Variants in FUT9 observed in about 807,000 individuals in gnomAD.
The protein encoded by FUT9 is fucosyltransferase 9.
In FUT9, 15 loss-of-function variants were observed where a neutral mutation model predicts 29.7. The ratio of observed to expected loss-of-function variants is 0.51; its 90% confidence interval spans 0.34 to 0.78. The LOEUF is 0.78. FUT9 is among the 30% of genes least tolerant of loss of function. FUT9 has a pLI of 0.01. For missense variants in FUT9, 319 were observed against 425.4 expected (o/e 0.75, Z 2.20); for synonymous variants, 169 against 153.7 (o/e 1.10, Z -0.74).
chr6:96,021,638 A>G (rs1439525305), intron 1 of FUT9, among the ~76,000 whole-genome samples: 1 of 152,188 alleles, frequency 6.6e-6, no homozygotes, highest in East Asian at 1.9e-4. Flanking sequence ...ATGAATGTTT[A>G]TTGAACAGTT....
intron 1 of FUT9, among the ~76,000 whole-genome samples, chr6:96,062,295 A>G (rs1770889238): frequency 6.6e-6 from 1 of 152,130 alleles, no homozygotes; most frequent in Admixed American, 6.5e-5. Flanking sequence ...TATAGGAAGG[A>G]AAAAGATATA....
Position 96,215,413 on chromosome 6 carries a change from A to T in FUT9, c.*11178A>T, listed in dbSNP as rs990682864. On this transcript the variant is annotated 3_prime_UTR_variant, in exon 3 of 3. Transcript: ENST00000302103. ...AATATGTACTAAGATTCCAAGGCAG[A>T]AATAAATGTATAAAGGATTTGAGCC... 1 of 166,870 alleles carries T rather than the reference A, an allele frequency of 6.0e-6. No individual in the cohort carries two copies. The highest frequency in any genetic ancestry group is 1.5e-5 in the Non-Finnish European group (1 of 68,096). The allele number at this position is 166,870 out of a possible 1,614,324, so 10.3% of individuals were successfully genotyped here.
chr6:96,065,404 A>C (rs544374200), intron 1 of FUT9, among the ~76,000 whole-genome samples: 1 of 152,134 alleles, frequency 6.6e-6, no homozygotes, highest in African/African-American at 2.4e-5. Flanking sequence ...CAGGAGCAAG[A>C]ACACTTGGAA....
intron 2 of FUT9, among the ~76,000 whole-genome samples, chr6:96,140,731 G>T (rs370791480): frequency 6.6e-6 from 1 of 152,028 alleles, no homozygotes; most frequent in African/African-American, 2.4e-5. Context: ...GCTGTCACAA[G>T]AACAACACAG....
intron 1 of FUT9, among the ~76,000 whole-genome samples, chr6:96,064,476 C>A (rs1770929059): frequency 6.6e-6 from 1 of 152,066 alleles, no homozygotes; most frequent in African/African-American, 2.4e-5. Context: ...AATGAGGGGG[C>A]TGATGGCGTC....
At chr6:96,177,973 C>G (rs1446242910) in intron 2 of FUT9, among the ~76,000 whole-genome samples, 2 of 152,074 alleles carry the variant, frequency 1.3e-5, no homozygotes, top group Non-Finnish European at 2.9e-5. Flanking sequence ...GATAGGCAGC[C>G]TTTGTTTGCT....
In FUT9 at chr6:96,212,415, G is replaced by A. The variant is rs1773955713; in HGVS notation, c.*8180G>A. 2.4e-6 allele frequency: 1 copy of A among 411,870 alleles called. No individual in the cohort carries two copies. Among genetic ancestry groups the A allele is most frequent in the Non-Finnish European group, 4.4e-6 (1 of 225,092 alleles). 25.5% of individuals were successfully genotyped at this position (411,870 alleles called of 1,614,324 possible). Reference sequence around the variant, plus strand: ...ATTATCTGATTGTCTATGTAAACCTGGAAGTAGTCTACTTTTTAGATAAAA... The same window carrying A: ...ATTATCTGATTGTCTATGTAAACCTAGAAGTAGTCTACTTTTTAGATAAAA... On this transcript the variant is annotated 3_prime_UTR_variant, in exon 3 of 3. Transcript: ENST00000302103.
chr6:96,056,939 A>G (rs1446465773), intron 1 of FUT9, among the ~76,000 whole-genome samples: 3 of 152,152 alleles, frequency 2.0e-5, no homozygotes, highest in East Asian at 3.9e-4. Context: ...GTACCCACAC[A>G]ACAATTTTAG....
intron 1 of FUT9, chr6:96,037,315 A>T (rs1244949376): frequency 2.6e-5 from 4 of 152,052 alleles, no homozygotes; most frequent in Non-Finnish European, 4.4e-5. Context: ...CAAACCTAGG[A>T]ATTGCATCCA....
At chr6:96,022,021 A>AC (rs1770078451) in intron 1 of FUT9, among the ~76,000 whole-genome samples, 1 of 152,056 alleles carries the variant, frequency 6.6e-6, no homozygotes, top group Non-Finnish European at 1.5e-5. Flanking sequence ...TTTTATGAAT[A>AC]CTTTACAACT....
At chr6:96,096,691 T>TGTGTGTGTGTGTGTGG (rs1582226649) in intron 1 of FUT9, among the ~76,000 whole-genome samples, 1 of 151,344 alleles carries the variant, frequency 6.6e-6, no homozygotes, top group East Asian at 2.0e-4. Flanking sequence ...GGCATGTGTG[T>TGTGTGTGTGTGTGTGG]GTGTGTGTGT....
rs367565365 is a variant in FUT9, at chr6:96,062,156, T to C, written c.-98+45944T>C. Reference sequence around the variant, plus strand: ...TATACCTATGTAGCAAACCTGCATGTTCTGCATGTGTATCTCAGAACTTAA... The same window carrying C: ...TATACCTATGTAGCAAACCTGCATGCTCTGCATGTGTATCTCAGAACTTAA... On this transcript the variant is annotated intron_variant, in intron 1 of 2. Coordinates refer to ENST00000302103, the MANE Select transcript of FUT9 (RefSeq NM_006581.4). 2.0e-4 allele frequency among the ~76,000 whole-genome samples: 31 copies of C among 152,204 alleles called. No individual in the cohort carries two copies. The South Asian group carries it at 5.2e-3, about 25-fold the overall frequency.
At chr6:96,025,712 A>T (rs905434769) in intron 1 of FUT9, among the ~76,000 whole-genome samples, 1 of 151,674 alleles carries the variant, frequency 6.6e-6, no homozygotes, top group African/African-American at 2.4e-5. Context: ...CAGGGCTCTC[A>T]TCTTTTCTCT....
Position 96,197,014 on chromosome 6 carries a change from G to A in FUT9, c.-8-6134G>A, listed in dbSNP as rs142253969. On this transcript the variant is annotated intron_variant, in intron 2 of 2. Transcript: ENST00000302103. Reference sequence around the variant, plus strand: ...AGAGGGATTCTAGTTTCTACTGCTTGCTTTAGGAGATAATGAGTGGTGAAA... The same window carrying A: ...AGAGGGATTCTAGTTTCTACTGCTTACTTTAGGAGATAATGAGTGGTGAAA... 2.2e-4 allele frequency among the ~76,000 whole-genome samples: 34 copies of A among 152,228 alleles called. No homozygotes were observed. In the East Asian group the frequency reaches 6.6e-3, roughly 29 times the overall value.
chr6:96,186,958 A>G (rs1417029601), intron 2 of FUT9, among the ~76,000 whole-genome samples: 1 of 152,172 alleles, frequency 6.6e-6, no homozygotes, highest in Non-Finnish European at 1.5e-5. Flanking sequence ...AGACACACCC[A>G]GAAAGAATGT....
intron 1 of FUT9, among the ~76,000 whole-genome samples, chr6:96,032,092 T>G (rs369013317): frequency 6.6e-6 from 1 of 151,630 alleles, no homozygotes; most frequent in East Asian, 1.9e-4. Context: ...TTGAGCTCTG[T>G]GGAACATATT....
chr6:96,066,425 C>T (rs1440885559), intron 1 of FUT9, among the ~76,000 whole-genome samples: 1 of 152,024 alleles, frequency 6.6e-6, no homozygotes, highest in African/African-American at 2.4e-5. Context: ...GATTGCTCTA[C>T]ACATTGTCCT....
intron 1 of FUT9, among the ~76,000 whole-genome samples, chr6:96,070,354 C>T (rs1264680186): frequency 3.3e-5 from 5 of 152,124 alleles, no homozygotes; most frequent in Non-Finnish European, 7.3e-5. Context: ...AAATGTCCCA[C>T]AAAATGAGAA....
At chr6:96,187,082 G>A (rs1238163358) in intron 2 of FUT9, among the ~76,000 whole-genome samples, 2 of 152,070 alleles carry the variant, frequency 1.3e-5, no homozygotes, top group Admixed American at 6.6e-5. Context: ...GATTAGACCA[G>A]GTTACCAGCC....
Sources: allele counts gnomAD v4.1 joint callset (sites outside exome capture counted in the v4.1 genomes callset), GRCh38; gene constraint gnomAD v4.1.1; transcripts MANE v1.5; gene names NCBI Gene and HGNC (gene_info 2026-07-23, HGNC 2026-07-21).